TECPR2: variants seen among roughly 807,000 people sequenced by gnomAD.
TECPR2 encodes tectonin beta-propeller repeat containing 2.
TECPR2 carries 65 observed loss-of-function variants against 138.1 expected under a neutral mutation model. The ratio of observed to expected loss-of-function variants is 0.47; its 90% CI spans 0.39 to 0.58. The LOEUF (loss-of-function observed/expected upper bound fraction) is 0.58, where lower values mean the gene tolerates loss of function less well. TECPR2 is among the 20% of genes least tolerant of loss of function. The probability of loss-of-function intolerance (pLI) is 0.00; values close to 1 mark genes in which losing one functional copy is unlikely to be tolerated. For synonymous variants in TECPR2, 746 were observed against 749.8 expected (o/e 0.99, Z 0.08); for missense variants, 1,553 against 1,824.5 (o/e 0.85, Z 2.71).
At chr14:102,412,678 A>T (rs1056837570) in intron 4 of TECPR2, among the ~76,000 whole-genome samples, 2 of 152,042 alleles carry the variant, frequency 1.3e-5, no homozygotes, top group Admixed American at 1.3e-4. Flanking sequence ...CATTTCAAAT[A>T]AAAATGGTGT....
At position 102,362,956 on chromosome 14, in the gene TECPR2, G is replaced by C; in HGVS notation, c.-233G>C. The C allele has an allele frequency of 6.8e-7, 1 of 1,460,414 alleles. No individual in the cohort carries two copies. 90.5% of individuals were successfully genotyped at this position (1,460,414 alleles called of 1,614,324 possible). ...GCCCGCTGCCACTTGTGGCTCTGCC[G>C]CTCTAGCCCCCGGCGGAGCCAGCTG... On this transcript the variant is annotated 5_prime_UTR_variant, in exon 1 of 20. Coordinates refer to ENST00000359520, the MANE Select transcript of TECPR2 (RefSeq NM_014844.5).
At chr14:102,452,082 A>G (rs1182158448) in intron 15 of TECPR2, among the ~76,000 whole-genome samples, 5 of 152,240 alleles carry the variant, frequency 3.3e-5, no homozygotes, top group Non-Finnish European at 5.9e-5. Flanking sequence ...AAAACTTCTC[A>G]GCCCATGAAA....
At chr14:102,428,225 T>TTTG in intron 6 of TECPR2, 25 bp from the exon 7 acceptor site, 1 of 943,354 alleles carries the variant, frequency 1.1e-6, no homozygotes, top group African/African-American at 1.8e-5. Flanking sequence ...GTTTTTTGTT[T>TTTG]TTTTTTTTTT....
At chr14:102,474,698 A>C (rs1890720204) in intron 17 of TECPR2, among the ~76,000 whole-genome samples, 1 of 152,192 alleles carries the variant, frequency 6.6e-6, no homozygotes, top group African/African-American at 2.4e-5. Flanking sequence ...TGGGTAGGAA[A>C]ACTTTTTCAT....
intron 4 of TECPR2, among the ~76,000 whole-genome samples, chr14:102,411,340 G>A (rs931973059): frequency 1.6e-4 from 24 of 152,290 alleles, no homozygotes; most frequent in Admixed American, 3.9e-4. Context: ...TGACTTCCAC[G>A]TACGTATACG....
At chr14:102,431,024 CTTTTTT>C (rs10713792) in intron 7 of TECPR2, among the ~76,000 whole-genome samples, 2 of 122,636 alleles carry the variant, frequency 1.6e-5, no homozygotes, top group Non-Finnish European at 3.3e-5. Flanking sequence ...TATTTTTTTA[CTTTTTT>C]TTTTTTTTTT....
chr14:102,458,966 C>CAT (rs3068229), intron 16 of TECPR2, among the ~76,000 whole-genome samples: 6,361 of 138,222 alleles, frequency 0.046, 283 homozygotes, highest in African/African-American at 0.11. Context: ...AAAATACACA[C>CAT]ATATATATAT....
chr14:102,369,486 T>G (rs2139648276), intron 1 of TECPR2, among the ~76,000 whole-genome samples: 1 of 152,224 alleles, frequency 6.6e-6, no homozygotes, highest in African/African-American at 2.4e-5. Context: ...ACTCCCGGGC[T>G]CAATGGATCC....
chr14:102,486,430 C>A (rs1293362236), intron 17 of TECPR2, among the ~76,000 whole-genome samples: 1 of 152,184 alleles, frequency 6.6e-6, no homozygotes, highest in Non-Finnish European at 1.5e-5. Flanking sequence ...CTCCTGAGTA[C>A]CTGGGACTAC....
In TECPR2 at chr14:102,419,192, A is replaced by T. The variant is rs1225328789; in HGVS notation, c.638+4399A>T. Among the ~76,000 whole-genome samples, 1 of 152,080 alleles carries T rather than the reference A, an allele frequency of 6.6e-6. No homozygotes were observed. The highest frequency in any genetic ancestry group is 1.5e-5 in the Non-Finnish European group (1 of 68,022). ...GGAGTCGGAGGCCATATGGAGGGACATAGCAGCTGCTGCGAGACCGGGGGC... is the reference window on the plus strand; with the variant it reads ...GGAGTCGGAGGCCATATGGAGGGACTTAGCAGCTGCTGCGAGACCGGGGGC... On this transcript the variant is annotated intron_variant, in intron 5 of 19. Transcript: ENST00000359520. The surrounding 1 kb of genome is among the most constrained non-coding windows in gnomAD (Gnocchi z 4.8).
Position 102,443,778 on chromosome 14 carries a change from G to A in TECPR2, c.2884G>A (p.Val962Met), listed in dbSNP as rs767714986. 5.6e-6 allele frequency: 9 copies of A among 1,606,060 alleles called. No individual in the cohort carries two copies. The highest frequency in any genetic ancestry group is 3.4e-5 in the Admixed American group (2 of 59,428). ...GAGGGCCCTCCTGTACCGGGAGGGCGTGAGCAGCTTCTGTCCGGAAGGCGA... is the reference window on the plus strand; with the variant it reads ...GAGGGCCCTCCTGTACCGGGAGGGCATGAGCAGCTTCTGTCCGGAAGGCGA... ...EQRALLYREG[V>M]SSFCPEGEQW... is the part of the protein sequence containing the mutation. Residue 962 changes from valine (V) to methionine (M), a missense_variant, in exon 12 of 20, where the codon GTG becomes ATG. Transcript: ENST00000359520. The surrounding 1 kb of genome is among the most constrained non-coding windows in gnomAD (Gnocchi z 4.9).
rs1891385966 is a variant in TECPR2 at position 102,499,437 on chromosome 14, G to C, written c.*1180G>C. On this transcript the variant is annotated 3_prime_UTR_variant, in exon 20 of 20. Transcript: ENST00000359520. ...AAGCCCTTTGTTCCTTCCCGGGTTT[G>C]TCCTGAGCCTGCACTGTCCTCGCCT... 1 of 569,384 alleles carries C rather than the reference G, an allele frequency of 1.8e-6. No individual in the cohort carries two copies. 35.3% of individuals were successfully genotyped at this position (569,384 alleles called of 1,614,324 possible).
In TECPR2 at chr14:102,499,174, C is replaced by T. The variant is rs1332751044; in HGVS notation, c.*917C>T. 1.3e-5 allele frequency: 9 copies of T among 702,988 alleles called. No homozygotes were observed. The highest frequency in any genetic ancestry group is 1.5e-5 in the South Asian group (1 of 67,606). The allele number at this position is 702,988 out of a possible 1,614,324, so 43.5% of individuals were successfully genotyped here. On this transcript the variant is annotated 3_prime_UTR_variant, in exon 20 of 20. Coordinates refer to ENST00000359520, the MANE Select transcript of TECPR2 (RefSeq NM_014844.5). ...TGTGCACGTGTGTCCCAGGTAGGGA[C>T]GGCACAGGAGGGTGCATGGGGCGTG...
At chr14:102,417,173 C>T (rs773817879) in intron 5 of TECPR2, among the ~76,000 whole-genome samples, 2 of 152,170 alleles carry the variant, frequency 1.3e-5, no homozygotes, top group Non-Finnish European at 2.9e-5. Context: ...GTGTCCCCTT[C>T]TCAGAAGGAG....
At chr14:102,471,711 G>A (rs999571643) in intron 17 of TECPR2, among the ~76,000 whole-genome samples, 5 of 151,094 alleles carry the variant, frequency 3.3e-5, no homozygotes, top group African/African-American at 1.2e-4. Flanking sequence ...AGAGCACAAC[G>A]CTAATAATAA....
intron 1 of TECPR2, among the ~76,000 whole-genome samples, chr14:102,370,637 CTT>C (rs1344018470): frequency 1.3e-5 from 2 of 152,196 alleles, no homozygotes; most frequent in African/African-American, 2.4e-5. Flanking sequence ...GCCAGCAACA[CTT>C]GGGCTTTAGC....
At chr14:102,464,856 T>G (rs1890511452) in intron 16 of TECPR2, among the ~76,000 whole-genome samples, 1 of 152,204 alleles carries the variant, frequency 6.6e-6, no homozygotes, top group Non-Finnish European at 1.5e-5. Flanking sequence ...GCATCTTGAC[T>G]GCTTTGCCTG....
chr14:102,375,466 G>A (rs1310616279), intron 1 of TECPR2, among the ~76,000 whole-genome samples: 2 of 152,196 alleles, frequency 1.3e-5, no homozygotes, highest in Non-Finnish European at 2.9e-5. Flanking sequence ...CAATTGAGAA[G>A]GAGGAAGAGC....
chr14:102,484,955 G>A (rs1196880819), intron 17 of TECPR2, among the ~76,000 whole-genome samples: 4 of 152,178 alleles, frequency 2.6e-5, no homozygotes, highest in Admixed American at 6.6e-5. Context: ...CACTGCGCCC[G>A]CCCCGTTTTT....
Sources: gnomAD v4.1 joint callset for allele counts (sites outside exome capture counted in the v4.1 genomes callset) on GRCh38, gnomAD v4.1.1 for gene constraint, Gnocchi (gnomAD v3.1) non-coding constraint, MANE v1.5 for transcripts, NCBI Gene and HGNC (gene_info 2026-07-23, HGNC 2026-07-21) for gene names.